The following BRWD1 variants were observed in gnomAD, a reference collection of about 807,000 sequenced individuals.
The protein encoded by BRWD1 is bromodomain and WD repeat domain containing 1.
BRWD1 carries 82 observed loss-of-function variants against 251.2 expected under a neutral mutation model. The ratio of observed to expected loss-of-function variants is 0.33; its 90% CI spans 0.27 to 0.39. BRWD1 has a LOEUF of 0.39. BRWD1 is among the 10% of genes least tolerant of loss of function. BRWD1 has a pLI of 1.00. For synonymous variants in BRWD1, 918 were observed against 902.8 expected (o/e 1.02, Z -0.30); for missense variants, 2,233 against 2,711.6 (o/e 0.82, Z 3.92).
At chr21:39,247,023 A>G (rs1262615293) in intron 21 of BRWD1, among the ~76,000 whole-genome samples, 1 of 151,912 alleles carries the variant, frequency 6.6e-6, no homozygotes, top group African/African-American at 2.4e-5. Flanking sequence ...GGTTGCAGTG[A>G]GCCGAGATCG....
rs2031372249 is a variant in BRWD1 at position 39,188,501 on chromosome 21, CA to C, written c.*7757del. Reference sequence around the variant, plus strand: ...ATCAAGTAACACTATTATTCTGTAGCAATGAAACCACCAATGCCAACCTTCT... The same window carrying C: ...ATCAAGTAACACTATTATTCTGTAGCATGAAACCACCAATGCCAACCTTCT... On this transcript the variant is annotated 3_prime_UTR_variant, in exon 41 of 41. Transcript: ENST00000342449. 1 of 985,266 alleles carries C rather than the reference CA, an allele frequency of 1.0e-6. No homozygotes were observed. The highest frequency in any genetic ancestry group is 1.7e-5 in the African/African-American group (1 of 57,240). The allele number at this position is 985,266 out of a possible 1,614,324, so 61.0% of individuals were successfully genotyped here.
intron 21 of BRWD1, 140 bp downstream of exon 21, chr21:39,247,561 C>T (rs1332913417): frequency 2.2e-6 from 2 of 922,296 alleles, no homozygotes; most frequent in African/African-American, 1.7e-5. Flanking sequence ...TTTTTGTTAA[C>T]ATTCAAAATG....
intron 4 of BRWD1, among the ~76,000 whole-genome samples, chr21:39,301,525 G>A (rs2036112986): frequency 6.6e-6 from 1 of 152,072 alleles, no homozygotes; most frequent in South Asian, 2.1e-4. Context: ...AAAACTACAT[G>A]AGCTTGGAAG....
At chr21:39,312,764 G>A (rs2036535734) in intron 4 of BRWD1, 77 bp downstream of exon 4, 3 of 1,252,016 alleles carry the variant, frequency 2.4e-6, no homozygotes, top group Non-Finnish European at 3.4e-6. Context: ...CACGGGCCGG[G>A]GTCCCCGCGA....
chr21:39,287,879 A>G (rs1005608362), intron 8 of BRWD1, among the ~76,000 whole-genome samples: 2 of 152,216 alleles, frequency 1.3e-5, no homozygotes, highest in African/African-American at 4.8e-5. Flanking sequence ...CTTCAGCACA[A>G]CTTCAGAAGA....
At chr21:39,308,184 A>G (rs2036350167) in intron 4 of BRWD1, among the ~76,000 whole-genome samples, 1 of 152,116 alleles carries the variant, frequency 6.6e-6, no homozygotes, top group Non-Finnish European at 1.5e-5. Context: ...TTCAATTCTT[A>G]TAAGAAGCAA....
At chr21:39,283,959 G>A (rs756502873) in intron 8 of BRWD1, among the ~76,000 whole-genome samples, 5 of 151,980 alleles carry the variant, frequency 3.3e-5, no homozygotes, top group African/African-American at 9.7e-5. Context: ...TTAGGATTCC[G>A]TGCTACAATC....
chr21:39,289,706 T>A lies in BRWD1; in HGVS notation c.831+4105A>T, dbSNP rs535091073. On this transcript the variant is annotated intron_variant, in intron 8 of 40. Transcript: ENST00000342449. ...TTTAAAAATATTACTTCTTTGTCTA[T>A]CAACTTCCGTTACTTCTATTAAGAA... Among the ~76,000 whole-genome samples, 17 of 152,336 alleles carry A rather than the reference T, an allele frequency of 1.1e-4. No individual in the cohort carries two copies. In the South Asian group the frequency reaches 3.3e-3, roughly 30 times the overall value.
chr21:39,263,357 T>C (rs2034817413), intron 17 of BRWD1, among the ~76,000 whole-genome samples: 1 of 152,132 alleles, frequency 6.6e-6, no homozygotes, highest in African/African-American at 2.4e-5. Context: ...AAAAGAACTT[T>C]GCACTTGGCT....
intron 4 of BRWD1, among the ~76,000 whole-genome samples, chr21:39,307,105 C>G (rs1161944704): frequency 6.6e-6 from 1 of 152,222 alleles, no homozygotes; most frequent in Non-Finnish European, 1.5e-5. Flanking sequence ...CCACCTGCCT[C>G]AGCCTCCTAA....
At chr21:39,207,858 A>G (rs959364221) in intron 36 of BRWD1, among the ~76,000 whole-genome samples, 3 of 152,246 alleles carry the variant, frequency 2.0e-5, no homozygotes, top group South Asian at 4.1e-4. Flanking sequence ...AACATGCATA[A>G]GCCTTTAAGG....
chr21:39,198,520 A>G (rs2031936570), intron 40 of BRWD1, among the ~76,000 whole-genome samples: 1 of 152,194 alleles, frequency 6.6e-6, no homozygotes, highest in African/African-American at 2.4e-5. Flanking sequence ...TTCAATAGGC[A>G]TAGTTCTTAA....
chr21:39,224,602 A>T (rs914035291), intron 28 of BRWD1, 133 bp from the exon 29 acceptor site: 3 of 587,702 alleles, frequency 5.1e-6, no homozygotes, highest in Non-Finnish European at 9.0e-6. Flanking sequence ...TTAACAGTAA[A>T]TTTTTTTAAG....
chr21:39,291,035 T>C (rs899347915), intron 8 of BRWD1, among the ~76,000 whole-genome samples: 1 of 152,088 alleles, frequency 6.6e-6, no homozygotes, highest in East Asian at 1.9e-4. Context: ...GAGGTTGAGA[T>C]GGGCAGACCT....
intron 8 of BRWD1, among the ~76,000 whole-genome samples, chr21:39,281,857 G>A (rs1430803415): frequency 1.3e-5 from 2 of 149,570 alleles, no homozygotes; most frequent in Non-Finnish European, 3.0e-5. Flanking sequence ...AACACAGCAA[G>A]ACTCCTTCAC....
At chr21:39,249,759 C>T (rs1456945910) in intron 20 of BRWD1, among the ~76,000 whole-genome samples, 2 of 151,964 alleles carry the variant, frequency 1.3e-5, no homozygotes, top group Admixed American at 6.6e-5. Flanking sequence ...ATGAGTTTCA[C>T]GAGTGATAAT....
chr21:39,274,838 G>A (rs1219310200), intron 12 of BRWD1, among the ~76,000 whole-genome samples: 3 of 152,132 alleles, frequency 2.0e-5, no homozygotes, highest in Non-Finnish European at 2.9e-5. Flanking sequence ...TCAGGAGTTC[G>A]AGATCAGTCT....
chr21:39,200,845 G>C (rs1000529935), intron 38 of BRWD1, among the ~76,000 whole-genome samples: 3 of 152,104 alleles, frequency 2.0e-5, no homozygotes, highest in African/African-American at 4.8e-5. Context: ...TTAGCCAGGC[G>C]TGGTGGCAGG....
At chr21:39,266,024 AT>A (rs1212564983) in intron 15 of BRWD1, among the ~76,000 whole-genome samples, 1 of 151,276 alleles carries the variant, frequency 6.6e-6, no homozygotes, top group African/African-American at 2.4e-5. Context: ...AGCTATGCAT[AT>A]TTGTTGTCTG....
Sources: allele counts gnomAD v4.1 joint callset (sites outside exome capture counted in the v4.1 genomes callset), GRCh38; gene constraint gnomAD v4.1.1; transcripts MANE v1.5; gene names NCBI Gene and HGNC (gene_info 2026-07-23, HGNC 2026-07-21).